Variants in CAND1 observed in about 807,000 individuals in gnomAD.
The protein encoded by CAND1 is cullin associated and neddylation dissociated 1, also known as cullin-associated NEDD8-dissociated protein 1.
CAND1 carries 7 observed loss-of-function variants against 108.5 expected under a neutral mutation model. That is an observed-to-expected ratio of 0.06 (90% CI 0.04 to 0.12). The LOEUF (loss-of-function observed/expected upper bound fraction) is 0.12, where lower values mean the gene tolerates loss of function less well. CAND1 is among the 10% of genes least tolerant of loss of function. The pLI is 1.00. For missense variants in CAND1, 941 were observed against 1,448.7 expected, an observed-to-expected ratio of 0.65 and a Z score of 5.69; for synonymous variants, 534 against 512.0, an observed-to-expected ratio of 1.04 and a Z score of -0.58.
chr12:67,289,692 T>C (rs2044704980), intron 2 of CAND1, among the ~76,000 whole-genome samples: 1 of 152,240 alleles, frequency 6.6e-6, no homozygotes, highest in Admixed American at 6.5e-5. Flanking sequence ...GCTAGAACTC[T>C]TTAAATTCAT....
In CAND1 at chr12:67,302,510, C is replaced by A; in HGVS notation, c.1188C>A (p.His396Gln). ...REENVKADVF[H>Q]AYLSLLKQTR... ...AGAATGTAAAGGCAGATGTTTTTCA[C>A]GCATACCTTTCTCTTTTGAAGCAAA... is the stretch of plus-strand genomic sequence containing the variant. Residue 396 changes from histidine (H) to glutamine (Q), a missense_variant, in exon 8 of 15, where the codon CAC becomes CAA. His to Gln is a conservative substitution (Grantham distance 24, BLOSUM62 0). Coordinates refer to ENST00000545606, the MANE Select transcript of CAND1 (RefSeq NM_018448.5). 6.2e-7 allele frequency: 1 copy of A among 1,614,060 alleles called. No homozygotes were observed. The highest frequency in any genetic ancestry group is 1.1e-5 in the South Asian group (1 of 91,072).
intron 6 of CAND1, among the ~76,000 whole-genome samples, chr12:67,298,552 CCT>C (rs2044791777): frequency 6.6e-6 from 1 of 152,108 alleles, no homozygotes; most frequent in East Asian, 1.9e-4. Context: ...TATGTTCTGT[CCT>C]CTCATTACAT....
intron 2 of CAND1, among the ~76,000 whole-genome samples, chr12:67,287,605 T>TA: frequency 6.6e-6 from 1 of 152,232 alleles, no homozygotes; most frequent in South Asian, 2.1e-4. Context: ...CCTTTTTTTT[T>TA]AATCATTAAT....
intron 2 of CAND1, among the ~76,000 whole-genome samples, chr12:67,286,943 G>A (rs964823593): frequency 2.0e-5 from 3 of 152,128 alleles, no homozygotes; most frequent in African/African-American, 4.8e-5. Flanking sequence ...TGGCATCTTC[G>A]TCAAAAAATC....
intron 2 of CAND1, among the ~76,000 whole-genome samples, chr12:67,285,144 AG>A (rs2044658391): frequency 6.6e-6 from 1 of 152,228 alleles, no homozygotes; most frequent in South Asian, 2.1e-4. Flanking sequence ...AAGACAACAT[AG>A]GAGTAAATGT....
At chr12:67,294,778 G>A (rs1322354935) in intron 3 of CAND1, among the ~76,000 whole-genome samples, 2 of 152,148 alleles carry the variant, frequency 1.3e-5, no homozygotes, top group African/African-American at 4.8e-5. Flanking sequence ...TTTGAAAGAT[G>A]TGTTTTTCTC....
chr12:67,305,237 A>T lies in CAND1; in HGVS notation c.1569A>T (p.Pro523=). The change falls in exon 10 of 15, where the codon CCA becomes CCT. Residue 523 remains proline (P), a synonymous_variant. Coordinates refer to ENST00000545606, the MANE Select transcript of CAND1 (RefSeq NM_018448.5). The surrounding 1 kb of genome is among the most constrained non-coding windows in gnomAD (Gnocchi z 4.4). Reference sequence around the variant, plus strand: ...CTCACGTTCAGGCTTTGGTTCCTCCAGTGGTGGCTTGTGTTGGAGACCCAT... The same window carrying T: ...CTCACGTTCAGGCTTTGGTTCCTCCTGTGGTGGCTTGTGTTGGAGACCCAT... ...FHPHVQALVP[P]VVACVGDPFY... The T allele has an allele frequency of 1.2e-6, 2 of 1,614,188 alleles. No homozygotes were observed. Among genetic ancestry groups the T allele is most frequent in the South Asian group, 2.2e-5 (2 of 91,088 alleles).
rs2045019073 is a variant in CAND1 at position 67,317,472 on chromosome 12, A to AT, written c.*4642_*4643insT. 8.6e-5 allele frequency: 10 copies of AT among 116,644 alleles called. No individual in the cohort carries two copies. Among genetic ancestry groups the AT allele is most frequent in the Middle Eastern group, 4.2e-3 (1 of 236 alleles). 7.2% of individuals were successfully genotyped at this position (116,644 alleles called of 1,614,324 possible). On this transcript the variant is annotated 3_prime_UTR_variant, in exon 15 of 15. Coordinates refer to ENST00000545606, the MANE Select transcript of CAND1 (RefSeq NM_018448.5). ...TCTTTTTTCTTTTTTTTTCTTTCTT[A>AT]ATTTTTTTTTTTTTTTTTTTTTTTG...
Position 67,312,626 on chromosome 12 carries a change from G to A in CAND1, c.3489G>A (p.Lys1163=), listed in dbSNP as rs747819225. ...TACAGGTAAAGGCAAACTCAGTAAA[G>A]CAGGAGTTTGAAAAACAAGATGAAT... ...CTTKVKANSV[K]QEFEKQDELK... Residue 1163 remains lysine, a synonymous_variant, in exon 15 of 15, where the codon AAG becomes AAA. Transcript: ENST00000545606. 15 of 1,610,032 alleles carry A rather than the reference G, an allele frequency of 9.3e-6. No homozygotes were observed. The highest frequency in any genetic ancestry group is 1.2e-5 in the Non-Finnish European group (14 of 1,178,114).
chr12:67,284,247 C>G (rs1452211611), intron 2 of CAND1, among the ~76,000 whole-genome samples: 2 of 151,212 alleles, frequency 1.3e-5, no homozygotes, highest in Non-Finnish European at 2.9e-5. Context: ...AAATTAAATA[C>G]TGATAACAGA....
intron 1 of CAND1, among the ~76,000 whole-genome samples, chr12:67,280,261 A>G (rs1413945933): frequency 6.6e-6 from 1 of 152,226 alleles, no homozygotes; most frequent in Non-Finnish European, 1.5e-5. Flanking sequence ...ACCTACTTGC[A>G]TGTAGTGTAA....
chr12:67,284,577 G>A (rs147994509), intron 2 of CAND1, among the ~76,000 whole-genome samples: 2 of 152,170 alleles, frequency 1.3e-5, no homozygotes, highest in Non-Finnish European at 1.5e-5. Context: ...CATCATACTT[G>A]ATTTGTCATT....
At chr12:67,299,180 T>A in intron 7 of CAND1, 85 bp downstream of exon 7, 1 of 1,296,296 alleles carries the variant, frequency 7.7e-7, no homozygotes. Context: ...TTGTACTGTT[T>A]GTTTTATTTA....
chr12:67,307,168 C>A (rs1592624218), intron 10 of CAND1, among the ~76,000 whole-genome samples: 2 of 152,114 alleles, frequency 1.3e-5, no homozygotes, highest in Admixed American at 1.3e-4. Flanking sequence ...CAAGTCCCTC[C>A]TTCCCAGAAG....
rs1174401255 is a variant in CAND1 at position 67,316,495 on chromosome 12, C to T, written c.*3665C>T. 6.6e-6 allele frequency: 1 copy of T among 152,170 alleles called. No individual in the cohort carries two copies. The highest frequency in any genetic ancestry group is 1.5e-5 in the Non-Finnish European group (1 of 68,016). The allele number at this position is 152,170 out of a possible 1,614,324, so 9.4% of individuals were successfully genotyped here. A position where few individuals can be genotyped will look rare whatever the true frequency, so the allele number is the denominator to read the frequency against. On this transcript the variant is annotated 3_prime_UTR_variant, in exon 15 of 15. Coordinates refer to ENST00000545606, the MANE Select transcript of CAND1 (RefSeq NM_018448.5). ...GATCTTTCAGCAACATGTTTTTGCT[C>T]TTTGTAACTTAGAAAGTTAGCTCTG...
At position 67,312,701 on chromosome 12, in the gene CAND1, A is replaced by G; in HGVS notation, c.3564A>G (p.Glu1188=). ...RAVAALLTIP[E]AEKSPLMSEF... is the part of the protein sequence containing the mutation. Reference sequence around the variant, plus strand: ...TAGCAGCACTGCTAACCATTCCAGAAGCAGAGAAGAGTCCACTGATGAGTG... The same window carrying G: ...TAGCAGCACTGCTAACCATTCCAGAGGCAGAGAAGAGTCCACTGATGAGTG... Residue 1188 remains glutamate, a synonymous_variant, in exon 15 of 15, where the codon GAA becomes GAG. Transcript: ENST00000545606. The G allele has an allele frequency of 6.2e-7, 1 of 1,613,794 alleles. No individual in the cohort carries two copies. Among genetic ancestry groups the G allele is most frequent in the Non-Finnish European group, 8.5e-7 (1 of 1,179,754 alleles).
intron 10 of CAND1, 48 bp downstream of exon 10, chr12:67,306,645 G>A: frequency 5.5e-6 from 8 of 1,447,840 alleles, no homozygotes; most frequent in Non-Finnish European, 7.5e-6. Context: ...TTGATAGTTG[G>A]TTGCCTTAAA....
chr12:67,274,377 G>C (rs2044550367), intron 1 of CAND1, among the ~76,000 whole-genome samples: 1 of 152,192 alleles, frequency 6.6e-6, no homozygotes. Context: ...GCCAGGTGTT[G>C]AAAATGAAAC....
intron 7 of CAND1, among the ~76,000 whole-genome samples, chr12:67,299,625 G>A (rs1189219515): frequency 6.6e-6 from 1 of 152,110 alleles, no homozygotes; most frequent in Non-Finnish European, 1.5e-5. Context: ...TCTAAATACT[G>A]TTCGAGGCCC....
Sources: allele counts gnomAD v4.1 joint callset (sites outside exome capture counted in the v4.1 genomes callset), GRCh38; gene constraint gnomAD v4.1.1; non-coding constraint Gnocchi (gnomAD v3.1); transcripts MANE v1.5; gene names NCBI Gene and HGNC (gene_info 2026-07-23, HGNC 2026-07-21).